Variants in MPPED1 observed in about 807,000 individuals in gnomAD.
The protein encoded by MPPED1 is metallophosphoesterase domain-containing protein 1.
In MPPED1, 16 loss-of-function variants were observed where a neutral mutation model predicts 36.2. That is an observed-to-expected ratio of 0.44 (90% CI 0.30 to 0.67). MPPED1 has a LOEUF of 0.67. Ranked by LOEUF, MPPED1 falls within the 30% of genes least tolerant of loss-of-function variation. The pLI is 0.10. For missense variants in MPPED1, 307 were observed against 453.4 expected, an observed-to-expected ratio of 0.68 and a Z score of 2.93; for synonymous variants, 199 against 191.3, an observed-to-expected ratio of 1.04 and a Z score of -0.33.
intron 1 of MPPED1, among the ~76,000 whole-genome samples, chr22:43,414,642 G>T (rs902771312): frequency 6.6e-6 from 1 of 152,112 alleles, no homozygotes; most frequent in African/African-American, 2.4e-5. Context: ...GTTGCATCAG[G>T]CTGCAGTTAA....
chr22:43,500,446 T>TGATG (rs1357985460), intron 5 of MPPED1, among the ~76,000 whole-genome samples: 14 of 134,440 alleles, frequency 1.0e-4, no homozygotes, highest in African/African-American at 4.2e-4. Context: ...GTGGAGGTGG[T>TGATG]GACGGAGGTG....
intron 1 of MPPED1, among the ~76,000 whole-genome samples, chr22:43,424,702 C>G (rs1929397023): frequency 6.6e-6 from 1 of 151,468 alleles, no homozygotes; most frequent in Non-Finnish European, 1.5e-5. Context: ...TTTCTTGTCC[C>G]CTCCCTCCCT....
At chr22:43,495,531 T>A (rs1602016127) in intron 4 of MPPED1, among the ~76,000 whole-genome samples, 2 of 49,452 alleles carry the variant, frequency 4.0e-5, no homozygotes, top group African/African-American at 1.2e-4. Flanking sequence ...GAGGTGGTGG[T>A]GGTGGAGATG....
At chr22:43,415,225 C>CAAAAAAAAAAAAAAAAAAAAAAG (rs1929038673) in intron 1 of MPPED1, among the ~76,000 whole-genome samples, 9 of 49,414 alleles carry the variant, frequency 1.8e-4, no homozygotes, top group African/African-American at 5.7e-4. Context: ...ATGTCAAAAG[C>CAAAAAAAAAAAAAAAAAAAAAAG]AAAAAAAAAA....
intron 4 of MPPED1, 122 bp from the exon 5 acceptor site, chr22:43,498,113 C>A: frequency 1.5e-6 from 1 of 684,302 alleles, no homozygotes; most frequent in Non-Finnish European, 2.4e-6. Context: ...GGAGACCTTC[C>A]CTGGGTCTCC....
chr22:43,422,680 A>G (rs536754906), intron 1 of MPPED1, among the ~76,000 whole-genome samples: 131 of 152,256 alleles, frequency 8.6e-4, no homozygotes, highest in African/African-American at 3.0e-3. Context: ...ACCTGCTGAC[A>G]GCAGCTCCTC....
rs1932813498 is a variant in MPPED1, at chr22:43,506,331, C to T, written c.*715C>T. The T allele has an allele frequency of 6.6e-6, 1 of 152,616 alleles. No homozygotes were observed. Among genetic ancestry groups the T allele is most frequent in the Non-Finnish European group, 1.5e-5 (1 of 68,148 alleles). 9.5% of individuals were successfully genotyped at this position (152,616 alleles called of 1,614,324 possible). On this transcript the variant is annotated 3_prime_UTR_variant, in exon 7 of 7. Transcript: ENST00000443721. ...GAGCCACTGGCATTCGTGCCCAGGA[C>T]CAGTGAGAGCGTTCCCAGTCATGGG...
chr22:43,415,505 C>A (rs201299451), intron 1 of MPPED1, among the ~76,000 whole-genome samples: 2 of 95,918 alleles, frequency 2.1e-5, no homozygotes, highest in East Asian at 2.6e-3. Flanking sequence ...ATAAAAAAAT[C>A]ATAACAAATT....
At chr22:43,439,993 T>G (rs1185514089) in intron 3 of MPPED1, among the ~76,000 whole-genome samples, 8 of 152,258 alleles carry the variant, frequency 5.3e-5, no homozygotes, top group Non-Finnish European at 1.2e-4. Flanking sequence ...GGCTCTCGCC[T>G]TGCGGCGGGG....
At chr22:43,421,633 C>T (rs1039340861) in intron 1 of MPPED1, among the ~76,000 whole-genome samples, 7 of 152,276 alleles carry the variant, frequency 4.6e-5, no homozygotes, top group Middle Eastern at 3.4e-3. Flanking sequence ...TGACACCCAC[C>T]CTCTGCCAAG....
intron 4 of MPPED1, among the ~76,000 whole-genome samples, chr22:43,477,694 G>A (rs1181604515): frequency 6.6e-6 from 1 of 152,200 alleles, no homozygotes; most frequent in African/African-American, 2.4e-5. Context: ...GGTGCCTGCT[G>A]TCATCTCCCT....
At chr22:43,422,008 G>A (rs933630438) in intron 1 of MPPED1, among the ~76,000 whole-genome samples, 1 of 152,194 alleles carries the variant, frequency 6.6e-6, no homozygotes, top group Non-Finnish European at 1.5e-5. Flanking sequence ...GCTGGGGGCC[G>A]GAGCTGACAC....
intron 5 of MPPED1, among the ~76,000 whole-genome samples, chr22:43,500,669 C>T (rs1183683314): frequency 6.6e-6 from 1 of 152,004 alleles, no homozygotes; most frequent in East Asian, 1.9e-4. Flanking sequence ...ACCATCACTC[C>T]CTCAGTGCTT....
chr22:43,435,055 T>G lies in MPPED1; in HGVS notation c.246T>G (p.Asp82Glu). The G allele has an allele frequency of 6.2e-7, 1 of 1,613,734 alleles. No individual in the cohort carries two copies. Among genetic ancestry groups the G allele is most frequent in the Non-Finnish European group, 8.5e-7 (1 of 1,179,866 alleles). Residue 82 changes from aspartate (D) to glutamate (E), a missense_variant, in exon 3 of 7, where the codon GAT (aspartate) becomes GAG (glutamate). By Grantham distance (45) the Asp-to-Glu change is conservative. Transcript: ENST00000443721. ...HVQMVDPVPH[D>E]APKPPGYTRF... ...GCAGGGTGGACCCGGTGCCTCACGA[T>G]GCCCCCAAACCTCCAGGCTACACCC...
At chr22:43,494,620 T>G (rs957509960) in intron 4 of MPPED1, among the ~76,000 whole-genome samples, 1 of 150,682 alleles carries the variant, frequency 6.6e-6, no homozygotes, top group African/African-American at 2.5e-5. Context: ...AAAGAACCTC[T>G]TTATAAATAA....
At chr22:43,449,422 A>ACCCCCCCCCCCCCCCCCCCCCCCCCCCCC (rs135045) in intron 3 of MPPED1, among the ~76,000 whole-genome samples, 4 of 127,328 alleles carry the variant, frequency 3.1e-5, no homozygotes, top group Admixed American at 1.7e-4. Flanking sequence ...GACAGTGCCA[A>ACCCCCCCCCCCCCCCCCCCCCCCCCCCCC]CCCCCCCCGC....
intron 3 of MPPED1, among the ~76,000 whole-genome samples, chr22:43,445,620 G>C (rs916203080): frequency 1.4e-5 from 2 of 147,802 alleles, no homozygotes; most frequent in African/African-American, 5.0e-5. Context: ...GAGTGCGGTG[G>C]CACAATCATT....
chr22:43,450,741 T>C (rs1335934366), intron 3 of MPPED1, among the ~76,000 whole-genome samples: 1 of 152,216 alleles, frequency 6.6e-6, no homozygotes, highest in Non-Finnish European at 1.5e-5. Context: ...TTCTTTCTTT[T>C]TTGAGTCAGA....
At chr22:43,432,688 AG>A (rs1929772851) in intron 2 of MPPED1, among the ~76,000 whole-genome samples, 2 of 42,386 alleles carry the variant, frequency 4.7e-5, no homozygotes, top group African/African-American at 1.5e-4. Flanking sequence ...GGAGAGAGAG[AG>A]AAAGGGAGGA....
Sources: gnomAD v4.1 joint callset for allele counts (sites outside exome capture counted in the v4.1 genomes callset) on GRCh38, gnomAD v4.1.1 for gene constraint, MANE v1.5 for transcripts, NCBI Gene and HGNC (gene_info 2026-07-23, HGNC 2026-07-21) for gene names.